Variants in PPARGC1A observed in about 807,000 individuals in gnomAD.
PPARGC1A encodes peroxisome proliferator-activated receptor gamma coactivator 1-alpha.
In PPARGC1A, 25 loss-of-function variants were observed where a neutral mutation model predicts 88.7. The ratio of observed to expected loss-of-function variants is 0.28; its 90% confidence interval spans 0.21 to 0.39. The LOEUF (loss-of-function observed/expected upper bound fraction) is 0.39. PPARGC1A is among the 10% of genes least tolerant of loss of function. The probability of loss-of-function intolerance (pLI) is 1.00; values close to 1 mark genes in which losing one functional copy is unlikely to be tolerated. For missense variants in PPARGC1A, 880 were observed against 968.7 expected (o/e 0.91, Z 1.22); for synonymous variants, 363 against 355.6 (o/e 1.02, Z -0.24).
At chr4:24,065,875 C>T in the PPARGC1A span, among the ~76,000 whole-genome samples, 1 of 152,118 alleles carries the variant, frequency 6.6e-6, no homozygotes, top group African/African-American at 2.4e-5. Context: ...CTGTGCTGTG[C>T]CCTTTAAAGG....
chr4:23,824,597 C>A (rs1723594882), intron 5 of PPARGC1A, 89 bp from the exon 6 acceptor site: 2 of 1,135,748 alleles, frequency 1.8e-6, no homozygotes, highest in East Asian at 4.7e-5. Flanking sequence ...GGAAAAACAA[C>A]CAGAAAACTC....
chr4:24,209,791 G>A, the PPARGC1A span, among the ~76,000 whole-genome samples: 6,606 of 152,224 alleles, frequency 0.043, 342 homozygotes, highest in African/African-American at 0.12. Flanking sequence ...TAGTACAATA[G>A]TACATGCATA....
At chr4:23,987,093 T>C in the PPARGC1A span, among the ~76,000 whole-genome samples, 8 of 152,072 alleles carry the variant, frequency 5.3e-5, no homozygotes, top group African/African-American at 1.9e-4. Flanking sequence ...TTGTAGATAT[T>C]TGATGGATGC....
chr4:23,841,940 CTAT>C (rs1054018920), intron 2 of PPARGC1A, among the ~76,000 whole-genome samples: 41 of 152,128 alleles, frequency 2.7e-4, no homozygotes, highest in Non-Finnish European at 6.0e-4. Flanking sequence ...CCATTTAACC[CTAT>C]TATTATGTCC....
the PPARGC1A span, among the ~76,000 whole-genome samples, chr4:24,050,935 C>G: frequency 3.9e-5 from 6 of 152,064 alleles, no homozygotes; most frequent in Non-Finnish European, 7.3e-5. Context: ...CGCCTGTAAT[C>G]CCAGCACTTT....
At chr4:23,800,357 A>T (rs982824879) in intron 12 of PPARGC1A, among the ~76,000 whole-genome samples, 3 of 152,152 alleles carry the variant, frequency 2.0e-5, no homozygotes, top group African/African-American at 7.2e-5. Flanking sequence ...ATGACATGCA[A>T]AGGAACAAAA....
the PPARGC1A span, among the ~76,000 whole-genome samples, chr4:24,134,199 A>G: frequency 2.0e-5 from 3 of 152,218 alleles, no homozygotes; most frequent in African/African-American, 7.2e-5. Context: ...AATAAACCCC[A>G]TATCAAAAGC....
At chr4:23,828,725 A>G in intron 4 of PPARGC1A, 121 bp from the exon 5 acceptor site, 1 of 813,572 alleles carries the variant, frequency 1.2e-6, no homozygotes, top group Non-Finnish European at 2.0e-6. Context: ...TACTAGATCT[A>G]TGAGCTGTGA....
chr4:24,176,318 T>C, the PPARGC1A span, among the ~76,000 whole-genome samples: 1 of 152,178 alleles, frequency 6.6e-6, no homozygotes, highest in African/African-American at 2.4e-5. Context: ...ATTTTTCTTT[T>C]TGCAACATAT....
At chr4:24,238,736 A>T in the PPARGC1A span, among the ~76,000 whole-genome samples, 1 of 137,672 alleles carries the variant, frequency 7.3e-6, no homozygotes, top group Non-Finnish European at 1.6e-5. Context: ...TATCAATCCA[A>T]GGTTGTATAT....
At chr4:24,339,221 T>TAAACAC in the PPARGC1A span, among the ~76,000 whole-genome samples, 1 of 55,238 alleles carries the variant, frequency 1.8e-5, no homozygotes, top group Non-Finnish European at 4.0e-5. Context: ...TGTATATATA[T>TAAACAC]ATATATATAT....
chr4:24,367,816 G>A, the PPARGC1A span, among the ~76,000 whole-genome samples: 246 of 152,262 alleles, frequency 1.6e-3, 3 homozygotes, highest in Non-Finnish European at 2.9e-3. Flanking sequence ...GGTGCTTGAT[G>A]AGGTAGGTGG....
the PPARGC1A span, among the ~76,000 whole-genome samples, chr4:24,298,897 A>G: frequency 6.6e-6 from 1 of 152,200 alleles, no homozygotes; most frequent in East Asian, 1.9e-4. Context: ...TCTGTGAAAC[A>G]GCATTTATAC....
At chr4:24,180,206 C>A in the PPARGC1A span, among the ~76,000 whole-genome samples, 3 of 152,130 alleles carry the variant, frequency 2.0e-5, no homozygotes, top group African/African-American at 7.2e-5. Context: ...TTCTCCAAAT[C>A]GTATTCATTT....
chr4:24,040,017 C>T, the PPARGC1A span, among the ~76,000 whole-genome samples: 1 of 152,206 alleles, frequency 6.6e-6, no homozygotes, highest in Non-Finnish European at 1.5e-5. Context: ...GCCAGGATAT[C>T]TCCACATCCC....
chr4:24,276,940 C>T, the PPARGC1A span, among the ~76,000 whole-genome samples: 2 of 152,178 alleles, frequency 1.3e-5, no homozygotes, highest in Non-Finnish European at 2.9e-5. Context: ...AAGCGTCAGG[C>T]ACCTCAGCTC....
the PPARGC1A span, among the ~76,000 whole-genome samples, chr4:24,156,903 T>C: frequency 7.3e-3 from 1,115 of 152,276 alleles, 11 homozygotes; most frequent in African/African-American, 0.025. Flanking sequence ...TGTTTCAAAA[T>C]GGCATTGTTA....
At chr4:23,826,299 T>C (rs879864901) in intron 5 of PPARGC1A, among the ~76,000 whole-genome samples, 8 of 152,272 alleles carry the variant, frequency 5.3e-5, no homozygotes, top group Admixed American at 5.2e-4. Context: ...ATTTGGTTTA[T>C]TGAGAGTTTA....
the PPARGC1A span, among the ~76,000 whole-genome samples, chr4:24,112,632 C>T: frequency 6.6e-6 from 1 of 152,210 alleles, no homozygotes; most frequent in Non-Finnish European, 1.5e-5. Context: ...ATGCCATGAT[C>T]ATTCATCACT....
Sources: gnomAD v4.1 joint callset for allele counts (sites outside exome capture counted in the v4.1 genomes callset) on GRCh38, gnomAD v4.1.1 for gene constraint, MANE v1.5 for transcripts, NCBI Gene and HGNC (gene_info 2026-07-23, HGNC 2026-07-21) for gene names.